DSG1: variants seen among roughly 807,000 people sequenced by gnomAD.
DSG1 encodes desmoglein 1, also known as desmoglein-1.
DSG1 carries 39 observed loss-of-function variants against 97.5 expected under a neutral mutation model. The observed-to-expected ratio is 0.40, with a 90% CI of 0.31 to 0.52. The LOEUF (loss-of-function observed/expected upper bound fraction) is 0.52, where lower values mean the gene tolerates loss of function less well. Among genes scored for constraint, DSG1 ranks in the 20% least tolerant of loss-of-function variants. The pLI is 0.53. For synonymous variants in DSG1, 475 were observed against 443.4 expected, an observed-to-expected ratio of 1.07 and a Z score of -0.90; for missense variants, 1,311 against 1,295.4, an observed-to-expected ratio of 1.01 and a Z score of -0.18.
intron 1 of DSG1, among the ~76,000 whole-genome samples, chr18:31,324,087 G>A (rs1346876026): frequency 7.4e-6 from 1 of 135,824 alleles, no homozygotes; most frequent in Non-Finnish European, 1.5e-5. Flanking sequence ...GGGTTCCATT[G>A]ATTCTCCTGC....
chr18:31,338,308 A>C lies in DSG1; in HGVS notation c.1266-7A>C. The C allele has an allele frequency of 6.2e-7, 1 of 1,613,298 alleles. No individual in the cohort carries two copies. Among genetic ancestry groups the C allele is most frequent in the African/African-American group, 1.3e-5 (1 of 75,018 alleles). On this transcript the variant is annotated splice_region_variant and splice_polypyrimidine_tract_variant and intron_variant, in intron 9 of 14. Transcript: ENST00000257192. ...CATTAATTTGTATCATTTTCTTTCA[A>C]ATACAGGTATGTAATGGGAAATAAT... is the stretch of plus-strand genomic sequence containing the variant.
At chr18:31,337,402 AC>A (rs1467654044) in intron 9 of DSG1, among the ~76,000 whole-genome samples, 4 of 151,960 alleles carry the variant, frequency 2.6e-5, no homozygotes, top group Non-Finnish European at 4.4e-5. Flanking sequence ...GATTACAGGC[AC>A]CTGCTACCAC....
In DSG1 at chr18:31,355,085, A is replaced by G; in HGVS notation, c.2889A>G (p.Gly963=). The change falls in exon 15 of 15, where the codon GGA becomes GGG. Residue 963 remains glycine (G), a synonymous_variant. Coordinates refer to ENST00000257192, the MANE Select transcript of DSG1 (RefSeq NM_001942.4). ...TTGTTTCTGGTGCTGGCGTAACTGG[A>G]ATTAGTGGCACCACTGGGATCAGCG... The part of the protein sequence containing the change: ...ERVVSGAGVT[G]ISGTTGISGG... 6.2e-7 allele frequency: 1 copy of G among 1,614,078 alleles called. No homozygotes were observed. Among genetic ancestry groups the G allele is most frequent in the Non-Finnish European group, 8.5e-7 (1 of 1,180,004 alleles).
rs922524461 is a variant in DSG1 at position 31,349,565 on chromosome 18, C to A, written c.2100+3367C>A. Among the ~76,000 whole-genome samples, 13 of 124,598 alleles carry A rather than the reference C, an allele frequency of 1.0e-4. No homozygotes were observed. The South Asian group carries it at 1.7e-3, about 16-fold the overall frequency. 81.7% of individuals were successfully genotyped at this position (124,598 alleles called of 152,430 possible). On this transcript the variant is annotated intron_variant, in intron 14 of 14. Transcript: ENST00000257192. ...CTGTAAATTACCTTGGGCAGTATGG[C>A]CATTTTCACGATATTGATTCTTCCT...
chr18:31,336,655 C>A, intron 9 of DSG1, 42 bp downstream of exon 9: 1 of 1,592,616 alleles, frequency 6.3e-7, no homozygotes, highest in Non-Finnish European at 8.6e-7. Context: ...ACATATTGAA[C>A]TTAAGTACAT....
At chr18:31,341,839 C>A (rs570300597) in intron 11 of DSG1, among the ~76,000 whole-genome samples, 1 of 152,070 alleles carries the variant, frequency 6.6e-6, no homozygotes, top group Non-Finnish European at 1.5e-5. Context: ...AACGTAATTA[C>A]CCAAGTGCTC....
At position 31,328,267 on chromosome 18, in the gene DSG1, A is replaced by T. The variant is rs1364683780; in HGVS notation, c.295A>T (p.Ile99Phe). ...AGGAATTGATCAGCCACCATATGGGATCTTTGTCATTAATCAGAAAACTGG... is the reference window on the plus strand; with the variant it reads ...AGGAATTGATCAGCCACCATATGGGTTCTTTGTCATTAATCAGAAAACTGG... ...GVGIDQPPYG[I>F]FVINQKTGEI... Residue 99 changes from isoleucine (I) to phenylalanine (F), a missense_variant, in exon 4 of 15, where the codon ATC (isoleucine) becomes TTC (phenylalanine). Around this residue, in one of 3 missense-constraint regions of DSG1, gnomAD observed 259 missense variants for 304.1 expected, o/e 0.85. Coordinates refer to ENST00000257192, the MANE Select transcript of DSG1 (RefSeq NM_001942.4). 1 of 1,613,596 alleles carries T rather than the reference A, an allele frequency of 6.2e-7. No individual in the cohort carries two copies. The highest frequency in any genetic ancestry group is 2.2e-5 in the East Asian group (1 of 44,856).
At chr18:31,333,946 C>A in intron 7 of DSG1, 71 bp from the exon 8 acceptor site, 6 of 1,205,470 alleles carry the variant, frequency 5.0e-6, no homozygotes, top group Non-Finnish European at 3.7e-6. Context: ...TATCAACATT[C>A]CAGTATAAGC....
intron 1 of DSG1, among the ~76,000 whole-genome samples, chr18:31,324,963 T>C (rs1267894043): frequency 6.6e-6 from 1 of 152,232 alleles, no homozygotes; most frequent in African/African-American, 2.4e-5. Flanking sequence ...TTTAGTCTAC[T>C]CTTGTCATTT....
intron 4 of DSG1, among the ~76,000 whole-genome samples, chr18:31,329,139 C>T (rs2071704923): frequency 1.3e-5 from 2 of 152,110 alleles, no homozygotes; most frequent in Admixed American, 6.5e-5. Context: ...AAGACATTTC[C>T]ATGGTCCTAT....
intron 3 of DSG1, among the ~76,000 whole-genome samples, chr18:31,327,423 T>C (rs2071692478): frequency 6.6e-6 from 1 of 152,102 alleles, no homozygotes; most frequent in African/African-American, 2.4e-5. Context: ...ATACCCCTTT[T>C]CTATTCATTT....
chr18:31,333,873 A>G, intron 7 of DSG1, 144 bp from the exon 8 acceptor site: 1 of 1,165,970 alleles, frequency 8.6e-7, no homozygotes, highest in Non-Finnish European at 1.3e-6. Context: ...ATGCAAGAAT[A>G]AATGGAGTTA....
chr18:31,327,197 G>A (rs1272181152), intron 3 of DSG1, among the ~76,000 whole-genome samples, 192 bp downstream of exon 3: 1 of 151,726 alleles, frequency 6.6e-6, no homozygotes, highest in East Asian at 1.9e-4. Flanking sequence ...AGAGAAACAG[G>A]CAAACGTTGA....
chr18:31,345,947 G>A, intron 13 of DSG1, 43 bp from the exon 14 acceptor site: 1 of 1,526,392 alleles, frequency 6.6e-7, no homozygotes, highest in South Asian at 1.2e-5. Context: ...TTTAGTTTAT[G>A]ATAGACTAAA....
intron 11 of DSG1, among the ~76,000 whole-genome samples, chr18:31,340,867 AC>A (rs1318981752): frequency 6.6e-6 from 1 of 152,202 alleles, no homozygotes; most frequent in Admixed American, 6.5e-5. Context: ...AGTCAAATAG[AC>A]CGAGGGTTAA....
At chr18:31,319,506 G>C (rs541219757) in intron 1 of DSG1, among the ~76,000 whole-genome samples, 1 of 152,106 alleles carries the variant, frequency 6.6e-6, no homozygotes, top group South Asian at 2.1e-4. Context: ...TCAAACATTA[G>C]TCCTATCCCA....
At chr18:31,343,369 T>A in intron 11 of DSG1, 81 bp from the exon 12 acceptor site, 6 of 1,583,002 alleles carry the variant, frequency 3.8e-6, no homozygotes, top group South Asian at 1.1e-5. Flanking sequence ...CGAATTCAAA[T>A]TTAACCATAA....
chr18:31,334,939 C>A (rs528374869), intron 8 of DSG1, among the ~76,000 whole-genome samples: 1 of 152,036 alleles, frequency 6.6e-6, no homozygotes, highest in Admixed American at 6.5e-5. Flanking sequence ...TTTTTAAAAT[C>A]TACAACAGCT....
chr18:31,337,947 G>C (rs952416298), intron 9 of DSG1, among the ~76,000 whole-genome samples: 1 of 152,196 alleles, frequency 6.6e-6, no homozygotes, highest in Non-Finnish European at 1.5e-5. Context: ...TAAAAGAATA[G>C]TTTAGAATTA....
Sources: allele counts gnomAD v4.1 joint callset (sites outside exome capture counted in the v4.1 genomes callset), GRCh38; gene constraint gnomAD v4.1.1; regional missense constraint gnomAD v4.1.1; transcripts MANE v1.5; gene names NCBI Gene and HGNC (gene_info 2026-07-23, HGNC 2026-07-21).